Variants in DNAJC1 observed in about 807,000 individuals in gnomAD.
The protein encoded by DNAJC1 is dnaJ homolog subfamily C member 1.
A neutral mutation model predicts 76.6 loss-of-function variants in DNAJC1; 58 were observed. The observed-to-expected ratio is 0.76, with a 90% confidence interval of 0.61 to 0.94. DNAJC1 has a LOEUF of 0.94. Among genes scored for constraint, DNAJC1 ranks in the 40% least tolerant of loss-of-function variants. The pLI, the probability that DNAJC1 is intolerant of heterozygous loss-of-function variation, is 0.00. For synonymous variants in DNAJC1, 258 were observed against 267.9 expected, an observed-to-expected ratio of 0.96 and a Z score of 0.36; for missense variants, 689 against 677.3, an observed-to-expected ratio of 1.02 and a Z score of -0.19.
At chr10:21,877,364 TAGTA>T (rs1291171059) in intron 8 of DNAJC1, among the ~76,000 whole-genome samples, 3 of 151,648 alleles carry the variant, frequency 2.0e-5, no homozygotes, top group Non-Finnish European at 4.4e-5. Context: ...TTAATATAAT[TAGTA>T]AGTTCTAGTC....
intron 8 of DNAJC1, chr10:21,860,781 C>A (rs144635562): frequency 1.4e-3 from 216 of 156,372 alleles, no homozygotes; most frequent in Non-Finnish European, 2.3e-3. Flanking sequence ...AGACCAGGAT[C>A]TTGTCTCCCA....
intron 8 of DNAJC1, among the ~76,000 whole-genome samples, chr10:21,853,249 GT>G (rs1835783546): frequency 6.6e-6 from 1 of 152,082 alleles, no homozygotes; most frequent in East Asian, 1.9e-4. Flanking sequence ...GGAATATACT[GT>G]TGAAATGTCT....
rs367551531 is a variant in DNAJC1, at chr10:21,759,526, G to A, written c.1240C>T (p.Arg414Ter). 1.1e-5 allele frequency: 18 copies of A among 1,613,998 alleles called. No individual in the cohort carries two copies. The highest frequency in any genetic ancestry group is 3.3e-5 in the Admixed American group (2 of 60,008). Residue 414 changes from arginine (R) to a stop codon, truncating the protein, a stop_gained, in exon 11 of 12, where the codon CGA becomes TGA. Coordinates refer to ENST00000376980, the MANE Select transcript of DNAJC1 (RefSeq NM_022365.4). LOFTEE classifies it high-confidence loss of function. Reference sequence around the variant, plus strand: ...GCTGCCACCCCCTCTGCGTCCTCTCGCTGGGTGATCATGTCATCGGGCAAG... The same window carrying A: ...GCTGCCACCCCCTCTGCGTCCTCTCACTGGGTGATCATGTCATCGGGCAAG... ...TTLPDDMITQ[R>*]EDAEGVAAEE... is the part of the protein sequence containing the mutation.
chr10:21,870,473 C>T (rs1283573818), intron 8 of DNAJC1, among the ~76,000 whole-genome samples: 3 of 152,070 alleles, frequency 2.0e-5, no homozygotes, highest in African/African-American at 4.8e-5. Flanking sequence ...GTAAGATACA[C>T]TCAAGAAAAC....
intron 4 of DNAJC1, 99 bp downstream of exon 4, chr10:21,920,699 C>T (rs1564827630): frequency 6.9e-6 from 8 of 1,159,688 alleles, no homozygotes; most frequent in South Asian, 1.7e-5. Context: ...GAGAAGTATA[C>T]AGAGAGAAAC....
At chr10:21,775,512 T>C (rs747036286) in intron 9 of DNAJC1, among the ~76,000 whole-genome samples, 24 of 152,144 alleles carry the variant, frequency 1.6e-4, no homozygotes, top group Non-Finnish European at 2.9e-4. Flanking sequence ...AGTGGTCTAA[T>C]ATAAAGCTCA....
chr10:21,928,527 T>G lies in DNAJC1; in HGVS notation c.350A>C (p.Lys117Thr), dbSNP rs771070945. 28 of 1,613,230 alleles carry G rather than the reference T, an allele frequency of 1.7e-5. No individual in the cohort carries two copies. The highest frequency in any genetic ancestry group is 2.3e-5 in the Non-Finnish European group (27 of 1,179,382). Residue 117 changes from lysine to threonine, a missense_variant, in exon 3 of 12, where the codon AAG becomes ACG. Lys to Thr is a moderately conservative substitution (Grantham distance 78). Transcript: ENST00000376980. Reference protein sequence around the residue: ...RQLVAIYEVLKDDERRQRYDD... With the variant: ...RQLVAIYEVLTDDERRQRYDD... ...TCACCTCTGCCTTCGTTCATCATCC[T>G]TTAAAACTTCATAAATGGCCACCAA...
intron 9 of DNAJC1, among the ~76,000 whole-genome samples, chr10:21,768,169 C>G (rs1052462022): frequency 2.6e-5 from 4 of 152,038 alleles, no homozygotes; most frequent in African/African-American, 9.7e-5. Context: ...TGCCCTAATG[C>G]ACTTATCTAA....
chr10:21,954,679 T>C (rs1463520314), intron 1 of DNAJC1, among the ~76,000 whole-genome samples: 2 of 152,232 alleles, frequency 1.3e-5, no homozygotes, highest in Non-Finnish European at 1.5e-5. Context: ...GGTTAGATTT[T>C]AGTTTTTACT....
chr10:22,003,403 A>G lies in DNAJC1; in HGVS notation c.32T>C (p.Leu11Pro). The G allele has an allele frequency of 7.3e-7, 1 of 1,374,710 alleles. No homozygotes were observed. Among genetic ancestry groups the G allele is most frequent in the Non-Finnish European group, 9.4e-7 (1 of 1,066,078 alleles). 85.2% of individuals were successfully genotyped at this position (1,374,710 alleles called of 1,614,324 possible). A position where few individuals can be genotyped will look rare whatever the true frequency, so the allele number is the denominator to read the frequency against. The change falls in exon 1 of 12, where the codon CTT becomes CCT. Residue 11 changes from leucine to proline, a missense_variant. Coordinates refer to ENST00000376980, the MANE Select transcript of DNAJC1 (RefSeq NM_022365.4). MTAPCSQPAQLPGRRQLGLVP... is the reference protein window; with the variant it reads MTAPCSQPAQPPGRRQLGLVP... ...CAGCCCGAGCTGGCGGCGTCCAGGAAGCTGCGCCGGCTGGGAGCAAGGAGC... is the reference window on the plus strand; with the variant it reads ...CAGCCCGAGCTGGCGGCGTCCAGGAGGCTGCGCCGGCTGGGAGCAAGGAGC...
chr10:21,951,472 A>C (rs2131807857), intron 1 of DNAJC1, among the ~76,000 whole-genome samples: 1 of 152,338 alleles, frequency 6.6e-6, no homozygotes, highest in Non-Finnish European at 1.5e-5. Context: ...AAGACAGTTT[A>C]AACTGTTTCT....
chr10:21,766,235 A>G, intron 10 of DNAJC1, 26 bp downstream of exon 10: 2 of 1,557,110 alleles, frequency 1.3e-6, no homozygotes, highest in Non-Finnish European at 1.8e-6. Flanking sequence ...CTTTAGATTA[A>G]TGAGATAGAG....
At position 21,847,107 on chromosome 10, in the gene DNAJC1, T is replaced by C. The variant is rs552255622; in HGVS notation, c.978+35175A>G. ...CTTATTCCTCAATGTTCAGCTCAAG[T>C]GTAATTTCTTTTCCCTTAGGTGTCA... is the stretch of plus-strand genomic sequence containing the variant. On this transcript the variant is annotated intron_variant, in intron 8 of 11. Transcript: ENST00000376980. Among the ~76,000 whole-genome samples, 6 of 152,274 alleles carry C rather than the reference T, an allele frequency of 3.9e-5. No individual in the cohort carries two copies. The South Asian group carries it at 8.3e-4, about 21-fold the overall frequency.
At chr10:21,948,476 T>C (rs902083304) in intron 1 of DNAJC1, among the ~76,000 whole-genome samples, 2 of 151,994 alleles carry the variant, frequency 1.3e-5, no homozygotes, top group Non-Finnish European at 2.9e-5. Flanking sequence ...CCAGGCAGAG[T>C]GTGTTTGGTA....
chr10:21,781,688 T>TCCAGC (rs1834529708), intron 9 of DNAJC1, among the ~76,000 whole-genome samples: 1 of 125,384 alleles, frequency 8.0e-6, no homozygotes, highest in Non-Finnish European at 1.6e-5. Flanking sequence ...GCCACTGCAC[T>TCCAGC]CCAGCCTGGG....
chr10:21,972,038 G>T (rs1288288916), intron 1 of DNAJC1, among the ~76,000 whole-genome samples: 1 of 151,814 alleles, frequency 6.6e-6, no homozygotes, highest in African/African-American at 2.4e-5. Flanking sequence ...ACATTCTACT[G>T]TAGTGGTTTA....
intron 7 of DNAJC1, among the ~76,000 whole-genome samples, chr10:21,893,029 C>G (rs1029047258): frequency 2.6e-5 from 4 of 152,110 alleles, no homozygotes; most frequent in African/African-American, 9.7e-5. Flanking sequence ...CCGGATGTAA[C>G]TGACATTTAT....
chr10:21,820,407 C>T (rs554151636), intron 8 of DNAJC1, among the ~76,000 whole-genome samples: 8 of 152,284 alleles, frequency 5.3e-5, no homozygotes, highest in South Asian at 2.1e-4. Flanking sequence ...TCTATGTAGA[C>T]GTATGTTTTA....
rs1836003559 is a variant in DNAJC1 at position 21,866,429 on chromosome 10, A to G, written c.978+15853T>C. On this transcript the variant is annotated intron_variant, in intron 8 of 11. Coordinates refer to ENST00000376980, the MANE Select transcript of DNAJC1 (RefSeq NM_022365.4). ...ATATTAAACAATAACAAAAAAACCCAAAGCAGAAAAGTTACTAGAAATAAA... is the reference window on the plus strand; with the variant it reads ...ATATTAAACAATAACAAAAAAACCCGAAGCAGAAAAGTTACTAGAAATAAA... Among the ~76,000 whole-genome samples the G allele has an allele frequency of 2.0e-5, 3 of 152,144 alleles. No individual in the cohort carries two copies. The South Asian group carries it at 6.2e-4, about 31-fold the overall frequency.
Sources: gnomAD v4.1 joint callset for allele counts (sites outside exome capture counted in the v4.1 genomes callset) on GRCh38, gnomAD v4.1.1 for gene constraint, MANE v1.5 for transcripts, NCBI Gene and HGNC (gene_info 2026-07-23, HGNC 2026-07-21) for gene names.